The following DYNC2H1 variants were observed in gnomAD, a reference collection of about 807,000 sequenced individuals.
The protein encoded by DYNC2H1 is dynein cytoplasmic 2 heavy chain 1.
A neutral mutation model predicts 570.0 loss-of-function variants in DYNC2H1; 410 were observed. The observed-to-expected ratio is 0.72, with a 90% CI of 0.66 to 0.78. The LOEUF (loss-of-function observed/expected upper bound fraction) is 0.78, where lower values mean the gene tolerates loss of function less well. Among genes scored for constraint, DYNC2H1 ranks in the 30% least tolerant of loss-of-function variants. The probability of loss-of-function intolerance (pLI) is 0.00; values close to 1 mark genes in which losing one functional copy is unlikely to be tolerated. For synonymous variants in DYNC2H1, 1,688 were observed against 1,677.6 expected, an observed-to-expected ratio of 1.01 and a Z score of -0.15; for missense variants, 4,865 against 5,046.4, an observed-to-expected ratio of 0.96 and a Z score of 1.09.
chr11:103,314,319 CCTTG>C (rs1364165817), intron 79 of DYNC2H1, among the ~76,000 whole-genome samples: 2 of 151,992 alleles, frequency 1.3e-5, no homozygotes, highest in Non-Finnish European at 2.9e-5. Flanking sequence ...CAGCTCTGTA[CCTTG>C]CTTTTTAAAA....
chr11:103,142,479 C>T (rs192483281), intron 17 of DYNC2H1, among the ~76,000 whole-genome samples: 11 of 152,112 alleles, frequency 7.2e-5, no homozygotes, highest in Admixed American at 4.6e-4. Flanking sequence ...AGACCAGCCT[C>T]GTCAACATGG....
In DYNC2H1 at chr11:103,189,705, T is replaced by G; in HGVS notation, c.7326T>G (p.Tyr2442Ter). The change falls in exon 45 of 89, where the codon TAT becomes TAG. Residue 2442 changes from tyrosine (Y) to a stop codon, truncating the protein, a stop_gained. Transcript: ENST00000375735. LOFTEE classifies it high-confidence loss of function. This position sits in a 1 kb window ranked among gnomAD's most constrained non-coding sequence, Gnocchi z 4.3. ...YPEREQLQTI[Y>*]GAYLEPVLHK... is the part of the protein sequence containing the mutation. ...AAAGAGAGCAGTTACAAACGATTTA[T>G]GGAGCATATTTGGAACCAGTTCTAC... 1 of 1,613,126 alleles carries G rather than the reference T, an allele frequency of 6.2e-7. No homozygotes were observed. Among genetic ancestry groups the G allele is most frequent in the Non-Finnish European group, 8.5e-7 (1 of 1,179,466 alleles).
chr11:103,124,566 A>ACAATCC (rs1565319125), intron 11 of DYNC2H1, among the ~76,000 whole-genome samples: 9 of 151,734 alleles, frequency 5.9e-5, no homozygotes, highest in African/African-American at 1.2e-4. Flanking sequence ...TTCTGATTTG[A>ACAATCC]GTTCCCCAAA....
At chr11:103,378,616 A>G (rs916273524) in intron 83 of DYNC2H1, among the ~76,000 whole-genome samples, 7 of 152,222 alleles carry the variant, frequency 4.6e-5, no homozygotes, top group Non-Finnish European at 7.3e-5. Context: ...AATGAAAATA[A>G]TCAGTGGTGT....
At chr11:103,386,287 GT>G (rs1941868241) in intron 83 of DYNC2H1, among the ~76,000 whole-genome samples, 1 of 151,740 alleles carries the variant, frequency 6.6e-6, no homozygotes, top group African/African-American at 2.4e-5. Context: ...TCCTTTTTTT[GT>G]TCACTGGTGA....
In DYNC2H1 at chr11:103,188,630, T is replaced by C. The variant is rs1591380460; in HGVS notation, c.7274T>C (p.Val2425Ala). The change falls in exon 44 of 89, where the codon GTT becomes GCT. Residue 2425 changes from valine (V) to alanine (A), a missense_variant. Val to Ala is a moderately conservative substitution (Grantham distance 64, BLOSUM62 0). Around this residue, in one of 5 missense-constraint regions of DYNC2H1, gnomAD observed 2,401 missense variants for 2,454.6 expected, o/e 0.98. Transcript: ENST00000375735. Reference sequence around the variant, plus strand: ...CTTACTACCAGATTTACTTCCATCGTTCGTCTTTGTTCTATAGAGTATGTA... The same window carrying C: ...CTTACTACCAGATTTACTTCCATCGCTCGTCTTTGTTCTATAGAGTATGTA... The part of the protein sequence containing the change: ...HKLTTRFTSI[V>A]RLCSIDYPER... 2 of 1,607,104 alleles carry C rather than the reference T, an allele frequency of 1.2e-6. No homozygotes were observed. The highest frequency in any genetic ancestry group is 3.4e-5 in the Admixed American group (2 of 59,634).
At chr11:103,411,516 G>T (rs142959916) in intron 84 of DYNC2H1, among the ~76,000 whole-genome samples, 2 of 149,570 alleles carry the variant, frequency 1.3e-5, no homozygotes, top group African/African-American at 4.9e-5. Context: ...TAATTATCTC[G>T]GTGACCTGTG....
chr11:103,360,896 GGA>G (rs1210482762), intron 83 of DYNC2H1, among the ~76,000 whole-genome samples: 5 of 152,174 alleles, frequency 3.3e-5, no homozygotes, highest in African/African-American at 1.2e-4. Context: ...ATTTTGGCCT[GGA>G]TAGTTAGGGA....
intron 56 of DYNC2H1, 119 bp downstream of exon 56, chr11:103,220,147 A>G: frequency 1.9e-6 from 1 of 516,544 alleles, no homozygotes. Flanking sequence ...TGTGGTTTTC[A>G]ACCAAAATGT....
At chr11:103,438,876 G>A (rs1046352644) in intron 85 of DYNC2H1, among the ~76,000 whole-genome samples, 1 of 152,026 alleles carries the variant, frequency 6.6e-6, no homozygotes, top group Non-Finnish European at 1.5e-5. Context: ...GGGCACAGTG[G>A]CATGTGTCTA....
chr11:103,284,610 A>G (rs1237103075), intron 73 of DYNC2H1, among the ~76,000 whole-genome samples: 3 of 152,216 alleles, frequency 2.0e-5, no homozygotes, highest in African/African-American at 7.2e-5. Flanking sequence ...ACCATCAAGC[A>G]TTACTTTAAT....
At chr11:103,315,322 G>T (rs550939193) in intron 79 of DYNC2H1, among the ~76,000 whole-genome samples, 1 of 151,990 alleles carries the variant, frequency 6.6e-6, no homozygotes, top group Non-Finnish European at 1.5e-5. Context: ...CGAAAACATG[G>T]CCTGGTATAT....
intron 83 of DYNC2H1, among the ~76,000 whole-genome samples, chr11:103,374,158 T>C (rs905247490): frequency 6.6e-6 from 1 of 152,202 alleles, no homozygotes; most frequent in Non-Finnish European, 1.5e-5. Context: ...GGTTTGACCA[T>C]GTCCCCACAC....
chr11:103,411,556 T>A (rs1239539193), intron 84 of DYNC2H1, among the ~76,000 whole-genome samples: 4 of 151,976 alleles, frequency 2.6e-5, no homozygotes, highest in Non-Finnish European at 4.4e-5. Context: ...AAAGGATAAT[T>A]TAACTTTAAA....
chr11:103,462,923 G>A (rs879892855), intron 87 of DYNC2H1, among the ~76,000 whole-genome samples: 5 of 152,162 alleles, frequency 3.3e-5, no homozygotes, highest in Non-Finnish European at 5.9e-5. Flanking sequence ...ACACAAAAAT[G>A]TACAAATTTC....
rs760696626 is a variant in DYNC2H1 at position 103,185,000 on chromosome 11, G to C, written c.6582G>C (p.Arg2194Ser). ...DHDEFIINLI[R>S]GLGGNLNMKS... The stretch of plus-strand genomic sequence containing the variant: ...ACGAATTCATTATTAATCTCATAAG[G>C]GGACTTGGTGGAAATCTGAATATGA... Residue 2194 changes from arginine to serine, a missense_variant, in exon 41 of 89, where the codon AGG becomes AGC. Transcript: ENST00000375735. The C allele has an allele frequency of 6.2e-7, 1 of 1,610,204 alleles. No individual in the cohort carries two copies. The highest frequency in any genetic ancestry group is 1.1e-5 in the South Asian group (1 of 90,792).
chr11:103,234,135 G>A lies in DYNC2H1; in HGVS notation c.9542G>A (p.Arg3181Lys). 8 of 1,583,270 alleles carry A rather than the reference G, an allele frequency of 5.1e-6. No individual in the cohort carries two copies. The highest frequency in any genetic ancestry group is 6.9e-6 in the Non-Finnish European group (8 of 1,163,328). The change falls in exon 61 of 89, where the codon AGA becomes AAA. Residue 3181 changes from arginine to lysine, a missense_variant. Arg to Lys is a conservative substitution (Grantham distance 26). Around this residue, in one of 5 missense-constraint regions of DYNC2H1, gnomAD observed 2,401 missense variants for 2,454.6 expected, o/e 0.98. Coordinates refer to ENST00000375735, the MANE Select transcript of DYNC2H1 (RefSeq NM_001377.3). ...GAAGTCTTAATTAATCAGCTTGACA[G>A]AGAACATAAGAGATGGAATGCACAG... The part of the protein sequence containing the change: ...AAEVLINQLD[R>K]EHKRWNAQVV...
At chr11:103,294,886 G>C (rs1032701030) in intron 75 of DYNC2H1, among the ~76,000 whole-genome samples, 6 of 152,194 alleles carry the variant, frequency 3.9e-5, no homozygotes, top group African/African-American at 1.4e-4. Flanking sequence ...TCTTCCTGGT[G>C]CTTTATTTTC....
At chr11:103,313,594 T>C (rs1051945836) in intron 79 of DYNC2H1, among the ~76,000 whole-genome samples, 2 of 152,182 alleles carry the variant, frequency 1.3e-5, no homozygotes, top group Admixed American at 1.3e-4. Flanking sequence ...AGACTTGCAT[T>C]TGAGTCCTGA....
Sources: allele counts gnomAD v4.1 joint callset (sites outside exome capture counted in the v4.1 genomes callset), GRCh38; gene constraint gnomAD v4.1.1; regional missense constraint gnomAD v4.1.1; non-coding constraint Gnocchi (gnomAD v3.1); transcripts MANE v1.5; gene names NCBI Gene and HGNC (gene_info 2026-07-23, HGNC 2026-07-21).